The following PCDHA13 variants were observed in gnomAD, a reference collection of about 807,000 sequenced individuals.
PCDHA13 encodes the protein protocadherin alpha-13.
In PCDHA13, 54 loss-of-function variants were observed where a neutral mutation model predicts 64.8. That is an observed-to-expected ratio of 0.83 (90% CI 0.67 to 1.04). PCDHA13 has a LOEUF of 1.04. PCDHA13 is among the 50% of genes least tolerant of loss of function. PCDHA13 has a pLI of 0.00. For missense variants in PCDHA13, 1,248 were observed against 1,254.3 expected, an observed-to-expected ratio of 0.99 and a Z score of 0.08; for synonymous variants, 587 against 564.4, an observed-to-expected ratio of 1.04 and a Z score of -0.57.
intron 1 of PCDHA13, among the ~76,000 whole-genome samples, chr5:140,948,792 T>C (rs1215416836): frequency 6.6e-6 from 1 of 151,646 alleles, no homozygotes; most frequent in Non-Finnish European, 1.5e-5. Context: ...TTTGTTGATA[T>C]ATTTTCTATT....
At chr5:140,959,203 G>A (rs1554223942) in intron 1 of PCDHA13, among the ~76,000 whole-genome samples, 1 of 152,128 alleles carries the variant, frequency 6.6e-6, no homozygotes. Context: ...ATGGTGAAAT[G>A]CTGTCCTTAC....
chr5:140,985,268 A>G (rs1399255449), intron 3 of PCDHA13, among the ~76,000 whole-genome samples: 6 of 152,098 alleles, frequency 3.9e-5, no homozygotes, highest in African/African-American at 1.2e-4. Context: ...TTTCTGGACT[A>G]CTTTTCTGCA....
intron 1 of PCDHA13, 166 bp from the exon 2 acceptor site, chr5:140,978,783 A>G: frequency 1.0e-6 from 1 of 972,136 alleles, no homozygotes. Context: ...TTTCTTCTAA[A>G]GTGCTATATA....
intron 1 of PCDHA13, among the ~76,000 whole-genome samples, chr5:140,897,014 A>G (rs545411496): frequency 1.3e-3 from 202 of 152,284 alleles, no homozygotes; most frequent in Non-Finnish European, 2.0e-3. Context: ...TAAATATACA[A>G]CTAAATTATT....
intron 1 of PCDHA13, among the ~76,000 whole-genome samples, chr5:140,932,569 C>T (rs58622542): frequency 0.013 from 2,018 of 151,826 alleles, 38 homozygotes; most frequent in African/African-American, 0.046. Flanking sequence ...GTAGACTTTC[C>T]CATAGGGTAA....
chr5:140,901,232 AT>A (rs2068522830), intron 1 of PCDHA13, among the ~76,000 whole-genome samples: 4 of 152,022 alleles, frequency 2.6e-5, no homozygotes, highest in East Asian at 1.9e-4. Context: ...CCATATATCC[AT>A]TTTTTTCCTT....
At chr5:140,884,833 C>A in intron 1 of PCDHA13, 171 bp downstream of exon 1, 2 of 916,632 alleles carry the variant, frequency 2.2e-6, no homozygotes, top group Non-Finnish European at 3.1e-6. Context: ...GTTGGATTAT[C>A]CTTCAGAGTG....
chr5:140,892,413 T>C (rs1554185182), intron 1 of PCDHA13, among the ~76,000 whole-genome samples: 1 of 152,222 alleles, frequency 6.6e-6, no homozygotes, highest in Non-Finnish European at 1.5e-5. Context: ...CTTCAGGTAT[T>C]CTAGATAAAA....
chr5:140,882,248 CTG>C lies in PCDHA13; in HGVS notation c.-20_-19del, dbSNP rs1554173227. ...GGCGTTGTATATATTGCAGATAGCT[CTG>C]AGGTTTTTGGAGTGTACCATGCTGT... On this transcript the variant is annotated 5_prime_UTR_variant, in exon 1 of 4. Transcript: ENST00000289272. The C allele has an allele frequency of 1.3e-6, 2 of 1,594,792 alleles. No homozygotes were observed. Among genetic ancestry groups the C allele is most frequent in the Non-Finnish European group, 1.7e-6 (2 of 1,169,390 alleles).
At chr5:140,999,977 C>T (rs1554257051) in intron 3 of PCDHA13, among the ~76,000 whole-genome samples, 1 of 152,068 alleles carries the variant, frequency 6.6e-6, no homozygotes, top group Non-Finnish European at 1.5e-5. Flanking sequence ...GCAGCTCTAG[C>T]GGCCTCTGGG....
chr5:140,918,929 A>G (rs2078930762), intron 1 of PCDHA13, among the ~76,000 whole-genome samples: 1 of 152,226 alleles, frequency 6.6e-6, no homozygotes, highest in Non-Finnish European at 1.5e-5. Context: ...AGCATATGGC[A>G]TTTTGTTATA....
At chr5:141,008,809 C>T (rs1397377778) in intron 3 of PCDHA13, among the ~76,000 whole-genome samples, 2 of 152,160 alleles carry the variant, frequency 1.3e-5, no homozygotes, top group African/African-American at 4.8e-5. Flanking sequence ...CAAATAGGCT[C>T]AATTTACAAC....
At chr5:141,002,097 G>A (rs782083569) in intron 3 of PCDHA13, among the ~76,000 whole-genome samples, 3 of 152,230 alleles carry the variant, frequency 2.0e-5, no homozygotes, top group Non-Finnish European at 4.4e-5. Flanking sequence ...TCCAGGGGCT[G>A]GGCCGGAAAC....
At chr5:140,903,979 C>T (rs988987540) in intron 1 of PCDHA13, among the ~76,000 whole-genome samples, 3 of 152,150 alleles carry the variant, frequency 2.0e-5, no homozygotes, top group Admixed American at 2.0e-4. Flanking sequence ...GGTCTATTCA[C>T]AATGTAACAG....
intron 1 of PCDHA13, among the ~76,000 whole-genome samples, chr5:140,913,644 A>T (rs889499847): frequency 3.9e-5 from 6 of 151,920 alleles, no homozygotes; most frequent in Non-Finnish European, 8.8e-5. Flanking sequence ...CTGCTTTTCT[A>T]GTTCTTTAAG....
chr5:140,968,058 G>A lies in PCDHA13; in HGVS notation c.2395-10891G>A, dbSNP rs532963970. On this transcript the variant is annotated intron_variant, in intron 1 of 3. Transcript: ENST00000289272. The stretch of plus-strand genomic sequence containing the variant: ...GTGAGCGGCCCACTGGACCGAGAGC[G>A]GGTGGCTGTCTACAACATCACGGTG... The A allele has an allele frequency of 1.1e-5, 18 of 1,614,088 alleles. No individual in the cohort carries two copies. The highest frequency in any genetic ancestry group is 4.0e-5 in the African/African-American group (3 of 75,026).
At position 141,010,080 on chromosome 5, in the gene PCDHA13, G is replaced by C. The variant is rs2098415967; in HGVS notation, c.*143G>C. On this transcript the variant is annotated 3_prime_UTR_variant, in exon 4 of 4. Transcript: ENST00000289272. The stretch of plus-strand genomic sequence containing the variant: ...AATCTGCAGAAAGTTCCCTGTGTCT[G>C]TCTAGAACGCATTTAACAGGTTTTG... 1 of 1,611,462 alleles carries C rather than the reference G, an allele frequency of 6.2e-7. No homozygotes were observed. The highest frequency in any genetic ancestry group is 1.1e-5 in the South Asian group (1 of 90,590).
chr5:140,955,726 C>T (rs934215613), intron 1 of PCDHA13, among the ~76,000 whole-genome samples: 1 of 152,264 alleles, frequency 6.6e-6, no homozygotes, highest in East Asian at 1.9e-4. Context: ...ACCATTGAAT[C>T]TATAAATTAC....
chr5:140,891,767 A>C (rs1350557618), intron 1 of PCDHA13, among the ~76,000 whole-genome samples: 2 of 152,156 alleles, frequency 1.3e-5, no homozygotes, highest in African/African-American at 2.4e-5. Context: ...GAGGTGGGGA[A>C]TTTCAGGAAA....
Sources: gnomAD v4.1 joint callset for allele counts (sites outside exome capture counted in the v4.1 genomes callset) on GRCh38, gnomAD v4.1.1 for gene constraint, MANE v1.5 for transcripts, NCBI Gene and HGNC (gene_info 2026-07-23, HGNC 2026-07-21) for gene names.